The following ANO3 variants were observed in gnomAD, a reference collection of about 807,000 sequenced individuals.
ANO3 encodes anoctamin 3.
In ANO3, 99 loss-of-function variants were observed where a neutral mutation model predicts 144.8. The observed-to-expected ratio is 0.68, with a 90% confidence interval of 0.58 to 0.81. The LOEUF (loss-of-function observed/expected upper bound fraction) is 0.81, where lower values mean the gene tolerates loss of function less well. Ranked by LOEUF, ANO3 falls within the 30% of genes least tolerant of loss-of-function variation. ANO3 has a pLI of 0.00. For synonymous variants in ANO3, 414 were observed against 392.6 expected, an observed-to-expected ratio of 1.05 and a Z score of -0.64; for missense variants, 905 against 1,202.2, an observed-to-expected ratio of 0.75 and a Z score of 3.66.
In ANO3 at chr11:26,553,228, T is replaced by TG. The variant is rs750719038; in HGVS notation, c.1290-21_1290-20insG. On this transcript the variant is annotated intron_variant, in intron 12 of 26. Transcript: ENST00000256737. ...TTTCATGCTATGTTTTGTTTTGTTTTTGTTTTTGTTTTTTCTCAAGCCAAG... is the reference window on the plus strand; with the variant it reads ...TTTCATGCTATGTTTTGTTTTGTTTTGTGTTTTTGTTTTTTCTCAAGCCAAG... The TG allele has an allele frequency of 2.3e-6, 3 of 1,314,208 alleles. No homozygotes were observed. In the African/African-American group the frequency reaches 6.4e-5, roughly 28 times the overall value. 81.4% of individuals were successfully genotyped at this position (1,314,208 alleles called of 1,614,324 possible). A position where few individuals can be genotyped will look rare whatever the true frequency, so the allele number is the denominator to read the frequency against.
chr11:26,513,889 A>G (rs1189152667), intron 5 of ANO3, among the ~76,000 whole-genome samples: 1 of 152,088 alleles, frequency 6.6e-6, no homozygotes, highest in Non-Finnish European at 1.5e-5. Context: ...TCACTCCTCC[A>G]GCCTCTGGGG....
At chr11:26,535,216 C>T (rs1284515328) in intron 9 of ANO3, among the ~76,000 whole-genome samples, 1 of 152,112 alleles carries the variant, frequency 6.6e-6, no homozygotes, top group African/African-American at 2.4e-5. Flanking sequence ...TAGAGGTTAC[C>T]TCTGGAAGGT....
chr11:26,538,486 G>A (rs185126339), intron 10 of ANO3, among the ~76,000 whole-genome samples: 37 of 152,188 alleles, frequency 2.4e-4, no homozygotes, highest in African/African-American at 6.0e-4. Context: ...TTATTTTACA[G>A]CTGAAGAAAC....
intron 1 of ANO3, among the ~76,000 whole-genome samples, chr11:26,439,813 A>T (rs1238338099): frequency 6.6e-6 from 1 of 152,214 alleles, no homozygotes; most frequent in Non-Finnish European, 1.5e-5. Flanking sequence ...TAAACTGATA[A>T]CATTCATTTC....
intron 18 of ANO3, among the ~76,000 whole-genome samples, chr11:26,625,331 C>G (rs1027618491): frequency 6.6e-6 from 1 of 152,132 alleles, no homozygotes; most frequent in Non-Finnish European, 1.5e-5. Context: ...TATTGCCTTC[C>G]CATTATACAA....
intron 22 of ANO3, among the ~76,000 whole-genome samples, chr11:26,642,571 C>CAA (rs5790602): frequency 6.6e-6 from 1 of 151,324 alleles, no homozygotes; most frequent in Non-Finnish European, 1.5e-5. Flanking sequence ...AGGCTGGTCT[C>CAA]AACTCCTGAC....
At chr11:26,243,149 G>A (rs551651065) in intron 1 of ANO3, among the ~76,000 whole-genome samples, 1 of 152,234 alleles carries the variant, frequency 6.6e-6, no homozygotes, top group African/African-American at 2.4e-5. Flanking sequence ...CAGGGATATG[G>A]CCAGTGAAAT....
chr11:26,418,868 T>C (rs1420762457), intron 1 of ANO3, among the ~76,000 whole-genome samples: 1 of 120,692 alleles, frequency 8.3e-6, no homozygotes, highest in Non-Finnish European at 1.9e-5. Flanking sequence ...ATTGCCAGAA[T>C]TCCTCCAGTG....
chr11:26,434,671 AT>A (rs1326903757), intron 1 of ANO3, among the ~76,000 whole-genome samples: 1 of 152,112 alleles, frequency 6.6e-6, no homozygotes, highest in African/African-American at 2.4e-5. Flanking sequence ...ATCTGCCTTA[AT>A]TTCACTTACC....
chr11:26,244,496 C>T (rs183193289), intron 1 of ANO3, among the ~76,000 whole-genome samples: 44 of 152,302 alleles, frequency 2.9e-4, no homozygotes, highest in Non-Finnish European at 5.4e-4. Context: ...AAGTTGCCTC[C>T]ACCAGTCCTG....
In ANO3 at chr11:26,656,396, C is replaced by T; in HGVS notation, c.2678C>T (p.Pro893Leu). The T allele has an allele frequency of 2.5e-6, 4 of 1,607,350 alleles. No individual in the cohort carries two copies. The highest frequency in any genetic ancestry group is 3.4e-6 in the Non-Finnish European group (4 of 1,173,980). ...GYCRYRDYRGPPWSSKPYEFT... is the reference protein window; with the variant it reads ...GYCRYRDYRGLPWSSKPYEFT... The stretch of plus-strand genomic sequence containing the variant: ...TTCAGGTACAGAGACTACAGAGGCC[C>T]GCCCTGGAGTTCCAAACCCTATGAG... The change falls in exon 26 of 27, where the codon CCG becomes CTG. Residue 893 changes from proline to leucine, a missense_variant. By Grantham distance (98) the Pro-to-Leu change is moderately conservative (BLOSUM62 -3). This residue lies in a region of ANO3 where 597 missense variants were observed against 865.1 expected (regional missense o/e 0.69). Transcript: ENST00000256737.
At chr11:26,514,963 A>G (rs143531205) in intron 5 of ANO3, among the ~76,000 whole-genome samples, 170 of 152,158 alleles carry the variant, frequency 1.1e-3, no homozygotes, top group African/African-American at 4.0e-3. Flanking sequence ...ACAGATTTCC[A>G]GCTGGGTGAT....
chr11:26,465,272 TTAGATAGATAGA>T (rs60663776), intron 4 of ANO3, among the ~76,000 whole-genome samples: 493 of 146,424 alleles, frequency 3.4e-3, no homozygotes, highest in Non-Finnish European at 4.1e-3. Context: ...ATGAACCTAT[TTAGATAGATAGA>T]TAGATAGATA....
intron 14 of ANO3, among the ~76,000 whole-genome samples, chr11:26,573,798 C>A (rs1056685723): frequency 6.6e-6 from 1 of 151,984 alleles, no homozygotes; most frequent in Non-Finnish European, 1.5e-5. Flanking sequence ...TAGAGATAAA[C>A]CTTACCTACC....
chr11:26,315,996 C>G (rs1271024974), intron 1 of ANO3, among the ~76,000 whole-genome samples: 2 of 152,126 alleles, frequency 1.3e-5, no homozygotes, highest in African/African-American at 4.8e-5. Context: ...ATCCTCTCCA[C>G]TGGGGTTGAG....
At chr11:26,506,504 A>G (rs1355435243) in intron 4 of ANO3, among the ~76,000 whole-genome samples, 1 of 152,184 alleles carries the variant, frequency 6.6e-6, no homozygotes, top group East Asian at 1.9e-4. Context: ...CATTATTACT[A>G]TGTTATGGAA....
chr11:26,205,256 C>A (rs1043417015), intron 1 of ANO3, among the ~76,000 whole-genome samples: 2 of 152,110 alleles, frequency 1.3e-5, no homozygotes, highest in Non-Finnish European at 1.5e-5. Flanking sequence ...CAACTTTGGG[C>A]ATCTTTCTAA....
At chr11:26,656,325 C>A in intron 25 of ANO3, 51 bp from the exon 26 acceptor site, 5 of 1,483,262 alleles carry the variant, frequency 3.4e-6, no homozygotes, top group Non-Finnish European at 4.7e-6. Flanking sequence ...AAATTTGGGC[C>A]TCCACTCTTT....
chr11:26,298,408 C>T (rs1191803741), intron 1 of ANO3, among the ~76,000 whole-genome samples: 3 of 151,914 alleles, frequency 2.0e-5, no homozygotes, highest in African/African-American at 7.3e-5. Flanking sequence ...GATTTTTTTC[C>T]ACAACAGAAG....
Sources: gnomAD v4.1 joint callset for allele counts (sites outside exome capture counted in the v4.1 genomes callset) on GRCh38, gnomAD v4.1.1 for gene constraint, gnomAD v4.1.1 regional missense constraint, MANE v1.5 for transcripts, NCBI Gene and HGNC (gene_info 2026-07-23, HGNC 2026-07-21) for gene names.